CNN1: variants seen among roughly 807,000 people sequenced by gnomAD.
The protein encoded by CNN1 is calponin 1.
A neutral mutation model predicts 35.3 loss-of-function variants in CNN1; 21 were observed. The observed-to-expected ratio is 0.60, with a 90% confidence interval of 0.42 to 0.86. CNN1 has a LOEUF of 0.86. Ranked by LOEUF, CNN1 falls within the 40% of genes least tolerant of loss-of-function variation. The probability of loss-of-function intolerance (pLI) is 0.00; values close to 1 mark genes in which losing one functional copy is unlikely to be tolerated. For synonymous variants in CNN1, 164 were observed against 161.8 expected (o/e 1.01, Z -0.10); for missense variants, 314 against 400.8 (o/e 0.78, Z 1.85).
chr19:11,545,420 A>G, intron 2 of CNN1, among the ~76,000 whole-genome samples: 1 of 135,558 alleles, frequency 7.4e-6, no homozygotes. Context: ...AGAAGGAGAA[A>G]GGGGGAGTTG....
At position 11,546,873 on chromosome 19, in the gene CNN1, T is replaced by C. The variant is rs200983175; in HGVS notation, c.294T>C (p.Tyr98=). Residue 98 remains tyrosine, a synonymous_variant, in exon 4 of 7, where the codon TAT becomes TAC. Transcript: ENST00000252456. Reference sequence around the variant, plus strand: ...ACTTCATCAAGGCCATCACCAAGTATGGGGTGAAGCCCCACGACATTTTTG... The same window carrying C: ...ACTTCATCAAGGCCATCACCAAGTACGGGGTGAAGCCCCACGACATTTTTG... ...IGNFIKAITK[Y]GVKPHDIFEA... 8.0e-5 allele frequency: 129 copies of C among 1,614,236 alleles called. 2 individuals are homozygous for C. In the East Asian group the frequency reaches 2.7e-3, roughly 34 times the overall value.
chr19:11,540,086 C>T (rs1972426406), intron 1 of CNN1: 4 of 1,023,444 alleles, frequency 3.9e-6, no homozygotes, highest in Middle Eastern at 4.9e-4. Flanking sequence ...GCCCGGTCCC[C>T]TAGGGGCTGG....
Position 11,550,017 on chromosome 19 carries a change from C to T in CNN1, c.*222C>T, listed in dbSNP as rs1035205471. 1.9e-5 allele frequency: 11 copies of T among 577,760 alleles called. No homozygotes were observed. The highest frequency in any genetic ancestry group is 3.1e-5 in the Non-Finnish European group (11 of 350,048). 35.8% of individuals were successfully genotyped at this position (577,760 alleles called of 1,614,324 possible). A position where few individuals can be genotyped will look rare whatever the true frequency, so the allele number is the denominator to read the frequency against. On this transcript the variant is annotated 3_prime_UTR_variant, in exon 7 of 7. Transcript: ENST00000252456. The stretch of plus-strand genomic sequence containing the variant: ...AGTGCTACAGGGTCCAACATAGAGC[C>T]GGGTGTCCCCAACAGCGCCCAAAGG...
intron 5 of CNN1, among the ~76,000 whole-genome samples, chr19:11,548,412 A>G (rs1972639602): frequency 6.6e-6 from 1 of 152,170 alleles, no homozygotes. Context: ...AGCCAAATGC[A>G]GTGGTGTCTG....
intron 2 of CNN1, among the ~76,000 whole-genome samples, chr19:11,542,511 G>A (rs970836196): frequency 6.6e-6 from 1 of 151,012 alleles, no homozygotes; most frequent in African/African-American, 2.4e-5. Flanking sequence ...TTTTCTCCTC[G>A]CCTCAAAACC....
intron 2 of CNN1, among the ~76,000 whole-genome samples, 187 bp from the exon 3 acceptor site, chr19:11,546,487 CA>C (rs1225562212): frequency 5.9e-5 from 9 of 152,096 alleles, no homozygotes; most frequent in African/African-American, 2.2e-4. Context: ...AGGCATGTGC[CA>C]CCACGCCTGG....
chr19:11,549,636 G>A lies in CNN1; in HGVS notation c.735G>A (p.Leu245=), dbSNP rs1972673307. ...ACTGCGACACGCTCAATGTCAGCCT[G>A]CAGATGGGCAGCAACAAGGGCGCCT... The part of the protein sequence containing the change: ...MEHCDTLNVS[L]QMGSNKGASQ... Residue 245 remains leucine, a synonymous_variant, in exon 7 of 7, where the codon CTG becomes CTA. Transcript: ENST00000252456. This position sits in a 1 kb window ranked among gnomAD's most constrained non-coding sequence, Gnocchi z 5.2. 4 of 1,613,590 alleles carry A rather than the reference G, an allele frequency of 2.5e-6. No individual in the cohort carries two copies. Among genetic ancestry groups the A allele is most frequent in the Non-Finnish European group, 3.4e-6 (4 of 1,179,690 alleles).
rs372709205 is a variant in CNN1 at position 11,542,562 on chromosome 19, C to T, written c.185+1365C>T. 1.2e-3 allele frequency among the ~76,000 whole-genome samples: 187 copies of T among 151,878 alleles called. 5 individuals carry two copies. In the South Asian group the frequency reaches 0.035, roughly 29 times the overall value. ...GTGAAAACCCTAACAGCTCCCAAGC[C>T]CCAGTTCCACTGCAATCTTTTTTTT... On this transcript the variant is annotated intron_variant, in intron 2 of 6. Transcript: ENST00000252456.
chr19:11,549,810 C>T lies in CNN1; in HGVS notation c.*15C>T, dbSNP rs763958082. 7.8e-5 allele frequency: 123 copies of T among 1,586,282 alleles called. No homozygotes were observed. The highest frequency in any genetic ancestry group is 8.9e-5 in the Non-Finnish European group (103 of 1,161,612). ...ATTCCGCCTAGGGCCACAAGGCCTT[C>T]CCTGTTTTCCCCCCAAGGGAGGCTG... is the stretch of plus-strand genomic sequence containing the variant. On this transcript the variant is annotated 3_prime_UTR_variant, in exon 7 of 7. Transcript: ENST00000252456. The surrounding 1 kb of genome is among the most constrained non-coding windows in gnomAD (Gnocchi z 5.2).
In CNN1 at chr19:11,547,887, C is replaced by A. The variant is rs148076740; in HGVS notation, c.481C>A (p.Arg161=). 16 of 1,613,810 alleles carry A rather than the reference C, an allele frequency of 9.9e-6. No individual in the cohort carries two copies. Among genetic ancestry groups the A allele is most frequent in the African/African-American group, 1.3e-5 (1 of 75,032 alleles). The change falls in exon 5 of 7, where the codon CGG becomes AGG. Residue 161 remains arginine, a synonymous_variant. Coordinates refer to ENST00000252456, the MANE Select transcript of CNN1 (RefSeq NM_001299.6). Reference sequence around the variant, plus strand: ...CGAGCCGGGGAAGCTAAGAGAAGGGCGGAACATCATTGGGCTGCAGGTACC... The same window carrying A: ...CGAGCCGGGGAAGCTAAGAGAAGGGAGGAACATCATTGGGCTGCAGGTACC... ...KFEPGKLREG[R]NIIGLQMGTN...
chr19:11,547,939 T>TA, intron 5 of CNN1, 32 bp downstream of exon 5: 1 of 1,582,094 alleles, frequency 6.3e-7, no homozygotes, highest in South Asian at 1.1e-5. Context: ...GCAGAGGTCA[T>TA]AGAGGCCAGG....
At position 11,549,960 on chromosome 19, in the gene CNN1, C is replaced by G. The variant is rs1008710297; in HGVS notation, c.*165C>G. Reference sequence around the variant, plus strand: ...TTGGAGAGAGCAGACTGGCGGGGGGCCCATTGGGGGGAAGGGGACCCTCCG... The same window carrying G: ...TTGGAGAGAGCAGACTGGCGGGGGGGCCATTGGGGGGAAGGGGACCCTCCG... On this transcript the variant is annotated 3_prime_UTR_variant, in exon 7 of 7. Transcript: ENST00000252456. This position sits in a 1 kb window ranked among gnomAD's most constrained non-coding sequence, Gnocchi z 5.2. The G allele has an allele frequency of 1.8e-4, 188 of 1,067,804 alleles. 3 individuals are homozygous for G. The East Asian group carries it at 4.8e-3, about 27-fold the overall frequency. The allele number at this position is 1,067,804 out of a possible 1,614,324, so 66.1% of individuals were successfully genotyped here. A position where few individuals can be genotyped will look rare whatever the true frequency, so the allele number is the denominator to read the frequency against.
chr19:11,549,844 C>T lies in CNN1; in HGVS notation c.*49C>T. ...CCCCCCAAGGGAGGCTGCTGCTGCT[C>T]TTGGCTGGACCCAGCCAGGCCCAGC... is the stretch of plus-strand genomic sequence containing the variant. On this transcript the variant is annotated 3_prime_UTR_variant, in exon 7 of 7. Coordinates refer to ENST00000252456, the MANE Select transcript of CNN1 (RefSeq NM_001299.6). The surrounding 1 kb of genome is among the most constrained non-coding windows in gnomAD (Gnocchi z 5.2). 1 of 1,559,786 alleles carries T rather than the reference C, an allele frequency of 6.4e-7. No homozygotes were observed. Among genetic ancestry groups the T allele is most frequent in the Non-Finnish European group, 8.7e-7 (1 of 1,149,148 alleles).
chr19:11,543,347 CA>C (rs553434409), intron 2 of CNN1, among the ~76,000 whole-genome samples: 22,495 of 133,284 alleles, frequency 0.17, 3,692 homozygotes, highest in African/African-American at 0.43. Flanking sequence ...AACCCTGTCT[CA>C]AAAAAAAAAA....
intron 5 of CNN1, among the ~76,000 whole-genome samples, chr19:11,548,595 C>T (rs991339576): frequency 1.3e-5 from 2 of 150,784 alleles, no homozygotes; most frequent in Admixed American, 6.6e-5. Flanking sequence ...CCTAGCACTT[C>T]GGGAGGCCGA....
rs536474016 is a variant in CNN1, at chr19:11,543,914, GA to G, written c.185+2728del. 1.7e-3 allele frequency among the ~76,000 whole-genome samples: 234 copies of G among 141,788 alleles called. 1 individual carries two copies. The highest frequency in any genetic ancestry group is 8.6e-3 in the South Asian group (39 of 4,524). The allele number at this position is 141,788 out of a possible 152,430, so 93.0% of individuals were successfully genotyped here. On this transcript the variant is annotated intron_variant, in intron 2 of 6. Coordinates refer to ENST00000252456, the MANE Select transcript of CNN1 (RefSeq NM_001299.6). ...ATGTACCCCAGAAGTTAAAGTATAA[GA>G]AAAAAAAAAAGAGTGTAGTGCAGTC...
rs766057887 is a variant in CNN1, at chr19:11,541,150, C to T, written c.138C>T (p.Ile46=). The change falls in exon 2 of 7, where the codon ATC becomes ATT. Residue 46 remains isoleucine (I), a synonymous_variant. Transcript: ENST00000252456. ...EWIEGVTGRR[I]GNNFMDGLKD... is the part of the protein sequence containing the mutation. ...TCGAGGGGGTGACAGGCCGTCGCAT[C>T]GGCAACAACTTCATGGACGGCCTCA... 36 of 1,606,758 alleles carry T rather than the reference C, an allele frequency of 2.2e-5. No homozygotes were observed. The highest frequency in any genetic ancestry group is 1.5e-4 in the Admixed American group (9 of 59,068).
chr19:11,539,903 C>T lies in CNN1; in HGVS notation c.63+913C>T, dbSNP rs1004323198. 5 of 1,130,844 alleles carry T rather than the reference C, an allele frequency of 4.4e-6. No homozygotes were observed. In the African/African-American group the frequency reaches 8.6e-5, roughly 19 times the overall value. The allele number at this position is 1,130,844 out of a possible 1,614,324, so 70.1% of individuals were successfully genotyped here. A position where few individuals can be genotyped will look rare whatever the true frequency, so the allele number is the denominator to read the frequency against. On this transcript the variant is annotated intron_variant, in intron 1 of 6. Transcript: ENST00000252456. Reference sequence around the variant, plus strand: ...CGCCGGCCCCAGAGCCGCGCAGAGCCGCGCAGAGACGCCGCGCCTTATAAG... The same window carrying T: ...CGCCGGCCCCAGAGCCGCGCAGAGCTGCGCAGAGACGCCGCGCCTTATAAG...
Position 11,549,316 on chromosome 19 carries a change from T to C in CNN1, c.502-7T>C, listed in dbSNP as rs755524682. ...TTATTGGTGTGATTCTCCTTCTGGC[T>C]TCCTAGATGGGCACCAACAAGTTTG... On this transcript the variant is annotated splice_polypyrimidine_tract_variant and splice_region_variant and intron_variant, in intron 5 of 6. Transcript: ENST00000252456. This position sits in a 1 kb window ranked among gnomAD's most constrained non-coding sequence, Gnocchi z 5.2. 12 of 1,614,066 alleles carry C rather than the reference T, an allele frequency of 7.4e-6. No individual in the cohort carries two copies. In the East Asian group the frequency reaches 1.1e-4, roughly 15 times the overall value.
Sources: gnomAD v4.1 joint callset for allele counts (sites outside exome capture counted in the v4.1 genomes callset) on GRCh38, gnomAD v4.1.1 for gene constraint, Gnocchi (gnomAD v3.1) non-coding constraint, MANE v1.5 for transcripts, NCBI Gene and HGNC (gene_info 2026-07-23, HGNC 2026-07-21) for gene names.